Variants in CPPED1 observed in about 807,000 individuals in gnomAD.
The protein encoded by CPPED1 is calcineurin like phosphoesterase domain containing 1.
In CPPED1, 28 loss-of-function variants were observed where a neutral mutation model predicts 28.0. The ratio of observed to expected loss-of-function variants is 1.00; its 90% CI spans 0.74 to 1.37. The LOEUF (loss-of-function observed/expected upper bound fraction) is 1.37, where lower values mean the gene tolerates loss of function less well. Ranked by LOEUF, CPPED1 falls within the 40% of genes most tolerant of loss-of-function variation. The probability of loss-of-function intolerance (pLI) is 0.00; values close to 1 mark genes in which losing one functional copy is unlikely to be tolerated. For synonymous variants in CPPED1, 198 were observed against 180.2 expected (o/e 1.10, Z -0.79); for missense variants, 504 against 416.5 (o/e 1.21, Z -1.83).
chr16:12,766,256 T>TATATAGAGAGAG, intron 2 of CPPED1, among the ~76,000 whole-genome samples: 1 of 134,254 alleles, frequency 7.4e-6, no homozygotes, highest in Non-Finnish European at 1.5e-5. Flanking sequence ...TATATATATA[T>TATATAGAGAGAG]AGAGAGAGAG....
At chr16:12,752,776 T>C (rs1454520234) in intron 2 of CPPED1, among the ~76,000 whole-genome samples, 2 of 147,930 alleles carry the variant, frequency 1.4e-5, no homozygotes, top group Non-Finnish European at 3.0e-5. Flanking sequence ...CATTTGGAGC[T>C]AGTAGAAATT....
Position 12,709,915 on chromosome 16 carries a change from G to C in CPPED1, c.290-4866C>G, listed in dbSNP as rs1220856461. On this transcript the variant is annotated intron_variant, in intron 2 of 3. Transcript: ENST00000381774. The surrounding 1 kb of genome is among the most constrained non-coding windows in gnomAD (Gnocchi z 4.4). ...GGAAGGGAAAGACGGGGGGAAGGAAGGGAAGGAAGGGAAGGAAGGGAAGGA... is the reference window on the plus strand; with the variant it reads ...GGAAGGGAAAGACGGGGGGAAGGAACGGAAGGAAGGGAAGGAAGGGAAGGA... 4.6e-5 allele frequency among the ~76,000 whole-genome samples: 1 copy of C among 21,672 alleles called. No homozygotes were observed. The highest frequency in any genetic ancestry group is 7.9e-5 in the Non-Finnish European group (1 of 12,724). 14.2% of individuals were successfully genotyped at this position (21,672 alleles called of 152,430 possible).
chr16:12,778,419 G>C (rs192178702), intron 2 of CPPED1, among the ~76,000 whole-genome samples: 2 of 151,362 alleles, frequency 1.3e-5, no homozygotes, highest in African/African-American at 4.9e-5. Flanking sequence ...TGGGATCACA[G>C]GTGTACACCA....
chr16:12,784,555 GAA>G (rs11321564), intron 1 of CPPED1, among the ~76,000 whole-genome samples: 147 of 146,964 alleles, frequency 1.0e-3, no homozygotes, highest in East Asian at 4.8e-3. Flanking sequence ...ATTTTGTCAT[GAA>G]AAAAAAAAAA....
chr16:12,732,707 A>T (rs2080205735), intron 2 of CPPED1, among the ~76,000 whole-genome samples: 1 of 152,226 alleles, frequency 6.6e-6, no homozygotes, highest in Admixed American at 6.5e-5. Flanking sequence ...TAAAATCCAT[A>T]CTGAAAGAAC....
chr16:12,793,718 A>G (rs2080610095), intron 1 of CPPED1, among the ~76,000 whole-genome samples: 1 of 152,210 alleles, frequency 6.6e-6, no homozygotes, highest in South Asian at 2.1e-4. Flanking sequence ...TAGCAGAGAC[A>G]GGCTTTTTAA....
chr16:12,791,046 CTT>C (rs111503541), intron 1 of CPPED1, among the ~76,000 whole-genome samples: 5 of 141,926 alleles, frequency 3.5e-5, no homozygotes, highest in Admixed American at 7.0e-5. Context: ...AATCCATCAT[CTT>C]TTTTTTTTTT....
At chr16:12,789,341 A>C (rs2080582658) in intron 1 of CPPED1, among the ~76,000 whole-genome samples, 1 of 152,200 alleles carries the variant, frequency 6.6e-6, no homozygotes, top group Non-Finnish European at 1.5e-5. Flanking sequence ...GCAAAGGAAA[A>C]TACATTGACT....
intron 1 of CPPED1, among the ~76,000 whole-genome samples, chr16:12,795,342 C>A (rs778182956): frequency 1.3e-4 from 20 of 151,844 alleles, no homozygotes; most frequent in South Asian, 4.1e-4. Context: ...CTGGTGTAGT[C>A]ATGCAACTTT....
At chr16:12,687,455 C>T (rs2141175964) in intron 3 of CPPED1, among the ~76,000 whole-genome samples, 1 of 152,198 alleles carries the variant, frequency 6.6e-6, no homozygotes, top group East Asian at 1.9e-4. Flanking sequence ...GGGATTTGGC[C>T]ATAGTGTCAG....
chr16:12,704,497 G>T, intron 3 of CPPED1, 127 bp downstream of exon 3: 1 of 941,682 alleles, frequency 1.1e-6, no homozygotes, highest in Non-Finnish European at 1.6e-6. Context: ...CCAAGAGCTG[G>T]TATCAGAACT....
At chr16:12,754,871 G>C (rs1483798913) in intron 2 of CPPED1, among the ~76,000 whole-genome samples, 1 of 152,134 alleles carries the variant, frequency 6.6e-6, no homozygotes, top group Non-Finnish European at 1.5e-5. Flanking sequence ...AATTAGGCCG[G>C]CATGGTGGTG....
chr16:12,779,360 A>T (rs1212461461), intron 2 of CPPED1, among the ~76,000 whole-genome samples: 3 of 151,240 alleles, frequency 2.0e-5, no homozygotes, highest in South Asian at 2.1e-4. Flanking sequence ...CTGGGACTAC[A>T]GGCATGCACC....
Position 12,704,754 on chromosome 16 carries a change from C to T in CPPED1, c.585G>A (p.Arg195=), listed in dbSNP as rs1297600228. ...GGAAGACGATGGCATGCTGGCAGTGCCGCTGCCTCGCGATGCTCAGCTGCT... is the reference window on the plus strand; with the variant it reads ...GGAAGACGATGGCATGCTGGCAGTGTCGCTGCCTCGCGATGCTCAGCTGCT... The part of the protein sequence containing the change: ...LDEQLSIARQ[R]HCQHAIVFQH... The change falls in exon 3 of 4, where the codon CGG becomes CGA. Residue 195 remains arginine, a synonymous_variant. Transcript: ENST00000381774. The T allele has an allele frequency of 1.9e-6, 3 of 1,614,088 alleles. No individual in the cohort carries two copies. In the East Asian group the frequency reaches 6.7e-5, roughly 36 times the overall value.
chr16:12,703,273 T>C (rs1200402862), intron 3 of CPPED1, among the ~76,000 whole-genome samples: 3 of 152,136 alleles, frequency 2.0e-5, no homozygotes, highest in Non-Finnish European at 4.4e-5. Context: ...TGTGAGCTTA[T>C]TGCAAAATGT....
chr16:12,741,300 CTTTTT>C (rs11322298), intron 2 of CPPED1, among the ~76,000 whole-genome samples: 3 of 128,700 alleles, frequency 2.3e-5, no homozygotes, highest in Admixed American at 8.2e-5. Context: ...TCTGGCTGCC[CTTTTT>C]TTTTTTTTTT....
Position 12,662,409 on chromosome 16 carries a change from T to C in CPPED1, c.*2477A>G, listed in dbSNP as rs1265994696. 6.6e-6 allele frequency: 1 copy of C among 152,218 alleles called. No homozygotes were observed. Among genetic ancestry groups the C allele is most frequent in the Non-Finnish European group, 1.5e-5 (1 of 68,050 alleles). 9.4% of individuals were successfully genotyped at this position (152,218 alleles called of 1,614,324 possible). A position where few individuals can be genotyped will look rare whatever the true frequency, so the allele number is the denominator to read the frequency against. On this transcript the variant is annotated 3_prime_UTR_variant, in exon 4 of 4. Coordinates refer to ENST00000381774, the MANE Select transcript of CPPED1 (RefSeq NM_018340.3). ...TTTTAAAAAATTAAATTTGTATAAA[T>C]ATAAGGCGTACAAGTGCAGTTTTGT...
chr16:12,762,236 T>C (rs561394173), intron 2 of CPPED1, among the ~76,000 whole-genome samples: 1 of 152,342 alleles, frequency 6.6e-6, no homozygotes, highest in Admixed American at 6.5e-5. Flanking sequence ...TCATTTATTT[T>C]TACTTCTTTG....
intron 2 of CPPED1, among the ~76,000 whole-genome samples, chr16:12,731,273 C>T (rs1244735113): frequency 2.6e-5 from 4 of 151,464 alleles, no homozygotes; most frequent in Non-Finnish European, 5.9e-5. Flanking sequence ...CCTGCCTCAG[C>T]CTCCCGAGTA....
Sources: allele counts gnomAD v4.1 joint callset (sites outside exome capture counted in the v4.1 genomes callset), GRCh38; gene constraint gnomAD v4.1.1; non-coding constraint Gnocchi (gnomAD v3.1); transcripts MANE v1.5; gene names NCBI Gene and HGNC (gene_info 2026-07-23, HGNC 2026-07-21).